Variants in INPP5F observed in about 807,000 individuals in gnomAD.
INPP5F encodes phosphatidylinositide 4-phosphatase SAC2.
Under a neutral mutation model 137.2 loss-of-function variants are expected in INPP5F, and 97 were observed. The ratio of observed to expected loss-of-function variants is 0.71; its 90% confidence interval spans 0.60 to 0.84. INPP5F has a LOEUF of 0.84. Ranked by LOEUF, INPP5F falls within the 40% of genes least tolerant of loss-of-function variation. The pLI is 0.00. For synonymous variants in INPP5F, 504 were observed against 476.9 expected (o/e 1.06, Z -0.74); for missense variants, 1,271 against 1,371.9 (o/e 0.93, Z 1.16).
At chr10:119,798,277 G>A (rs1850457800) in intron 8 of INPP5F, among the ~76,000 whole-genome samples, 2 of 152,078 alleles carry the variant, frequency 1.3e-5, no homozygotes, top group Non-Finnish European at 1.5e-5. Flanking sequence ...TATAAACTAC[G>A]TGAAAACTTT....
At chr10:119,742,819 C>T (rs1367052227) in intron 1 of INPP5F, among the ~76,000 whole-genome samples, 1 of 152,072 alleles carries the variant, frequency 6.6e-6, no homozygotes, top group Admixed American at 6.5e-5. Context: ...ATGGTGAAAC[C>T]TCGTCTCTAC....
chr10:119,737,260 A>T (rs1848242625), intron 1 of INPP5F, among the ~76,000 whole-genome samples: 1 of 152,120 alleles, frequency 6.6e-6, no homozygotes, highest in South Asian at 2.1e-4. Flanking sequence ...TGAGATCTTT[A>T]TGCAGTTTGT....
intron 2 of INPP5F, among the ~76,000 whole-genome samples, chr10:119,770,112 G>C (rs570815577): frequency 2.6e-5 from 4 of 152,116 alleles, no homozygotes; most frequent in South Asian, 4.1e-4. Flanking sequence ...TGCTTTTCAA[G>C]ATAATCACTT....
intron 2 of INPP5F, among the ~76,000 whole-genome samples, chr10:119,775,786 A>G (rs1316758890): frequency 6.6e-6 from 1 of 152,082 alleles, no homozygotes; most frequent in Admixed American, 6.5e-5. Context: ...ATGTTTGAAG[A>G]TGTCTAAAAG....
chr10:119,812,049 C>A, intron 15 of INPP5F, 94 bp downstream of exon 15: 2 of 937,310 alleles, frequency 2.1e-6, no homozygotes, highest in Non-Finnish European at 3.4e-6. Context: ...AAGCTGTGGG[C>A]ATGGATGCAT....
At position 119,827,353 on chromosome 10, in the gene INPP5F, T is replaced by A; in HGVS notation, c.2972T>A (p.Met991Lys). 1 of 1,614,152 alleles carries A rather than the reference T, an allele frequency of 6.2e-7. No individual in the cohort carries two copies. Among genetic ancestry groups the A allele is most frequent in the African/African-American group, 1.3e-5 (1 of 75,034 alleles). The part of the protein sequence containing the change: ...SQQASQERNQ[M>K]TNQVSNETQS... ...CAGGCTAGTCAGGAAAGAAATCAAA[T>A]GACCAATCAAGTTTCAAATGAAACC... The change falls in exon 20 of 20, where the codon ATG (methionine) becomes AAG (lysine). Residue 991 changes from methionine (M) to lysine (K), a missense_variant. By Grantham distance (95) the Met-to-Lys change is moderately conservative. Transcript: ENST00000650623.
chr10:119,749,262 G>A (rs898354066), intron 1 of INPP5F, among the ~76,000 whole-genome samples: 3 of 152,212 alleles, frequency 2.0e-5, no homozygotes, highest in Admixed American at 1.3e-4. Context: ...CAGGAGCCCC[G>A]CCAACTTGGT....
intron 2 of INPP5F, among the ~76,000 whole-genome samples, chr10:119,753,256 T>A (rs543540110): frequency 6.6e-6 from 1 of 152,250 alleles, no homozygotes. Context: ...CAGTCACATC[T>A]TAGCACAGTG....
chr10:119,797,487 G>A lies in INPP5F; in HGVS notation c.895G>A (p.Asp299Asn). ...AATGCGCTATAAACGAAGAGGAGTG[G>A]ATAAAAATGGAAATGTTGCCAATTA... ...AGMRYKRRGV[D>N]KNGNVANYVE... The change falls in exon 8 of 20, where the codon GAT (aspartate) becomes AAT (asparagine). Residue 299 changes from aspartate (D) to asparagine (N), a missense_variant. By Grantham distance (23) the Asp-to-Asn change is conservative. Around this residue, in one of 6 missense-constraint regions of INPP5F, gnomAD observed 593 missense variants for 712.4 expected, o/e 0.83. Transcript: ENST00000650623. 2 of 1,610,992 alleles carry A rather than the reference G, an allele frequency of 1.2e-6. No homozygotes were observed. Among genetic ancestry groups the A allele is most frequent in the East Asian group, 2.2e-5 (1 of 44,840 alleles).
intron 15 of INPP5F, among the ~76,000 whole-genome samples, chr10:119,818,232 C>G (rs928909728): frequency 1.3e-5 from 2 of 152,254 alleles, no homozygotes; most frequent in African/African-American, 4.8e-5. Flanking sequence ...CCGACTCTAT[C>G]GACAGCGGGA....
At chr10:119,825,981 A>G (rs1323377343) in intron 19 of INPP5F, 2 of 398,444 alleles carry the variant, frequency 5.0e-6, no homozygotes, top group African/African-American at 4.1e-5. Flanking sequence ...AGGAGAGAAG[A>G]CACTAATTGT....
At chr10:119,755,946 A>G (rs1032463441) in intron 2 of INPP5F, among the ~76,000 whole-genome samples, 2 of 152,016 alleles carry the variant, frequency 1.3e-5, no homozygotes, top group Non-Finnish European at 2.9e-5. Context: ...TCATGAGGTC[A>G]GGAGTTCGAG....
At chr10:119,737,473 T>C (rs1178099353) in intron 1 of INPP5F, among the ~76,000 whole-genome samples, 2 of 152,142 alleles carry the variant, frequency 1.3e-5, no homozygotes, top group African/African-American at 2.4e-5. Context: ...CCCTAACCAA[T>C]TGAGACCATC....
chr10:119,822,542 A>G, intron 17 of INPP5F, 38 bp downstream of exon 17: 1 of 992,758 alleles, frequency 1.0e-6, no homozygotes, highest in Non-Finnish European at 1.5e-6. Context: ...TCAAAAGCAA[A>G]TGCTGTTGTT....
chr10:119,778,606 T>A (rs774544598), intron 2 of INPP5F, among the ~76,000 whole-genome samples: 4 of 152,160 alleles, frequency 2.6e-5, no homozygotes, highest in African/African-American at 4.8e-5. Context: ...CCATTTTCCC[T>A]CCATTCTCCT....
In INPP5F at chr10:119,796,689, C is replaced by T. The variant is rs1278706009; in HGVS notation, c.670-26C>T. 8 of 1,560,166 alleles carry T rather than the reference C, an allele frequency of 5.1e-6. No homozygotes were observed. The African/African-American group carries it at 5.4e-5, about 11-fold the overall frequency. The stretch of plus-strand genomic sequence containing the variant: ...GTAGCAGTGCTGTACAGAATAGAAA[C>T]GATATCATGTTCATTTTGTTTTCAG... On this transcript the variant is annotated intron_variant, in intron 6 of 19. Coordinates refer to ENST00000650623, the MANE Select transcript of INPP5F (RefSeq NM_014937.4).
chr10:119,804,204 G>T lies in INPP5F; in HGVS notation c.1148G>T (p.Arg383Ile). Reference sequence around the variant, plus strand: ...ATTAACTTGGTAGACCAGGCAGGAAGAGAGAAGATTATTGGCGATGCTTAC... The same window carrying T: ...ATTAACTTGGTAGACCAGGCAGGAATAGAGAAGATTATTGGCGATGCTTAC... ...VIINLVDQAG[R>I]EKIIGDAYLK... Residue 383 changes from arginine to isoleucine, a missense_variant, in exon 10 of 20, where the codon AGA (arginine) becomes ATA (isoleucine). Arg to Ile is a moderately conservative substitution (Grantham distance 97). Around this residue, in one of 6 missense-constraint regions of INPP5F, gnomAD observed 593 missense variants for 712.4 expected, o/e 0.83. Coordinates refer to ENST00000650623, the MANE Select transcript of INPP5F (RefSeq NM_014937.4). The T allele has an allele frequency of 6.2e-7, 1 of 1,610,892 alleles. No individual in the cohort carries two copies. The highest frequency in any genetic ancestry group is 8.5e-7 in the Non-Finnish European group (1 of 1,177,706).
At chr10:119,789,012 G>A (rs979362747) in intron 3 of INPP5F, among the ~76,000 whole-genome samples, 1 of 152,136 alleles carries the variant, frequency 6.6e-6, no homozygotes, top group Admixed American at 6.5e-5. Flanking sequence ...GATCATGTGA[G>A]GTTGGGAGTT....
intron 15 of INPP5F, among the ~76,000 whole-genome samples, chr10:119,818,492 G>C (rs1851383589): frequency 6.6e-6 from 1 of 152,256 alleles, no homozygotes; most frequent in Non-Finnish European, 1.5e-5. Flanking sequence ...TCCAGCCGCA[G>C]GCACTGTCCC....
Sources: gnomAD v4.1 joint callset for allele counts (sites outside exome capture counted in the v4.1 genomes callset) on GRCh38, gnomAD v4.1.1 for gene constraint, gnomAD v4.1.1 regional missense constraint, MANE v1.5 for transcripts, NCBI Gene and HGNC (gene_info 2026-07-23, HGNC 2026-07-21) for gene names.